SLC17A9: variants seen among roughly 807,000 people sequenced by gnomAD.
SLC17A9 encodes the protein solute carrier family 17 member 9.
Under a neutral mutation model 55.0 loss-of-function variants are expected in SLC17A9, and 49 were observed. The ratio of observed to expected loss-of-function variants is 0.89; its 90% confidence interval spans 0.71 to 1.13. The LOEUF is 1.13. Among genes scored for constraint, SLC17A9 ranks in the 50% most tolerant of loss-of-function variants. The probability of loss-of-function intolerance (pLI) is 0.00; values close to 1 mark genes in which losing one functional copy is unlikely to be tolerated. For synonymous variants in SLC17A9, 256 were observed against 247.4 expected, an observed-to-expected ratio of 1.03 and a Z score of -0.32; for missense variants, 526 against 569.3, an observed-to-expected ratio of 0.92 and a Z score of 0.77.
rs114717191 is a variant in SLC17A9 at position 62,955,708 on chromosome 20, T to C, written c.60-1057T>C. ...TGTCCCTTCTGCAAGCCTCGTGTGT[T>C]AAGTCAATGAAAACTGTTTACAGAG... On this transcript the variant is annotated intron_variant, in intron 1 of 12. Transcript: ENST00000370351. 7.6e-3 allele frequency among the ~76,000 whole-genome samples: 1,159 copies of C among 152,302 alleles called. 19 individuals are homozygous for C. Among genetic ancestry groups the C allele is most frequent in the African/African-American group, 0.027 (1,133 of 41,560 alleles).
At position 62,964,221 on chromosome 20, in the gene SLC17A9, C is replaced by G. The variant is rs200734758; in HGVS notation, c.823-7C>G. The G allele has an allele frequency of 1.8e-5, 29 of 1,613,910 alleles. No homozygotes were observed. Among genetic ancestry groups the G allele is most frequent in the East Asian group, 1.8e-4 (8 of 44,874 alleles). The stretch of plus-strand genomic sequence containing the variant: ...GGCCCCCTCTAAGGCCAAACTCCCC[C>G]CTGCAGGGCTGGATCTTCAACGTGG... On this transcript the variant is annotated splice_polypyrimidine_tract_variant and splice_region_variant and intron_variant, in intron 7 of 12. Transcript: ENST00000370351.
intron 1 of SLC17A9, among the ~76,000 whole-genome samples, chr20:62,956,388 G>A (rs1217077874): frequency 6.6e-6 from 1 of 152,134 alleles, no homozygotes; most frequent in Admixed American, 6.5e-5. Flanking sequence ...GGGAAGGGTG[G>A]GGTGAGACTC....
At chr20:62,955,271 C>A (rs1421001883) in intron 1 of SLC17A9, among the ~76,000 whole-genome samples, 2 of 151,950 alleles carry the variant, frequency 1.3e-5, no homozygotes, top group Admixed American at 6.6e-5. Context: ...CCTCAGCCTC[C>A]CAAGTAGCTG....
At chr20:62,964,707 AC>A (rs879735667) in intron 8 of SLC17A9, among the ~76,000 whole-genome samples, 6 of 152,198 alleles carry the variant, frequency 3.9e-5, no homozygotes, top group African/African-American at 7.2e-5. Flanking sequence ...CTGCACAGAC[AC>A]GTACAGGCGG....
chr20:62,963,723 C>A, intron 7 of SLC17A9, 43 bp downstream of exon 7: 1 of 1,531,746 alleles, frequency 6.5e-7, no homozygotes, highest in Non-Finnish European at 8.8e-7. Context: ...GCCCAGAAGG[C>A]ACGAGGCTTG....
At chr20:62,964,923 G>C in intron 8 of SLC17A9, 2 of 582,422 alleles carry the variant, frequency 3.4e-6, no homozygotes, top group South Asian at 4.5e-5. Context: ...CCACGCCTTG[G>C]GAACCTTCCA....
chr20:62,961,865 C>A (rs2065591931), intron 4 of SLC17A9, among the ~76,000 whole-genome samples: 1 of 152,164 alleles, frequency 6.6e-6, no homozygotes, highest in Non-Finnish European at 1.5e-5. Flanking sequence ...GAGAGTGCTA[C>A]CCCAGCCCGC....
rs1381874682 is a variant in SLC17A9, at chr20:62,960,622, C to T, written c.497+19C>T. ...AGTTTGGGTAAGTCCTGGCCTAAGA[C>T]GGGGCCCAGGAGAGGCCACCAGGTG... On this transcript the variant is annotated intron_variant, in intron 4 of 12. Transcript: ENST00000370351. 7 of 1,602,196 alleles carry T rather than the reference C, an allele frequency of 4.4e-6. No individual in the cohort carries two copies. In the Admixed American group the frequency reaches 5.1e-5, roughly 12 times the overall value.
intron 12 of SLC17A9, 82 bp downstream of exon 12, chr20:62,966,814 C>A (rs1470784792): frequency 6.5e-7 from 1 of 1,547,500 alleles, no homozygotes; most frequent in Admixed American, 2.1e-5. Flanking sequence ...TGGGGTTGTG[C>A]CTCCCTTCAG....
rs768669562 is a variant in SLC17A9 at position 62,960,526 on chromosome 20, C to T, written c.420C>T (p.Thr140=). The T allele has an allele frequency of 2.5e-6, 4 of 1,613,536 alleles. No homozygotes were observed. Among genetic ancestry groups the T allele is most frequent in the Non-Finnish European group, 2.5e-6 (3 of 1,179,964 alleles). ...LLQGVYFPAL[T]SLLSQKVRES... Reference sequence around the variant, plus strand: ...CAGGGGTTTACTTCCCTGCCCTGACCAGCCTGCTGTCGCAGAAGGTGCGGG... The same window carrying T: ...CAGGGGTTTACTTCCCTGCCCTGACTAGCCTGCTGTCGCAGAAGGTGCGGG... Residue 140 remains threonine, a synonymous_variant, in exon 4 of 13, where the codon ACC becomes ACT. Coordinates refer to ENST00000370351, the MANE Select transcript of SLC17A9 (RefSeq NM_022082.4).
At chr20:62,957,203 C>G in intron 2 of SLC17A9, 1 of 985,370 alleles carries the variant, frequency 1.0e-6, no homozygotes, top group Non-Finnish European at 1.2e-6. Context: ...AAGATGGGAG[C>G]TGGGAGGGGA....
At position 62,963,579 on chromosome 20, in the gene SLC17A9, C is replaced by T. The variant is rs190887624; in HGVS notation, c.726-5C>T. 180 of 1,587,238 alleles carry T rather than the reference C, an allele frequency of 1.1e-4. 1 individual carries two copies. The highest frequency in any genetic ancestry group is 4.4e-4 in the Admixed American group (25 of 56,348). The stretch of plus-strand genomic sequence containing the variant: ...AGAGTCACGGTCCACCATTGGGCCC[C>T]GCAGGGCAGCCGTCGTCTCCCAGCT... On this transcript the variant is annotated splice_region_variant and splice_polypyrimidine_tract_variant and intron_variant, in intron 6 of 12. Coordinates refer to ENST00000370351, the MANE Select transcript of SLC17A9 (RefSeq NM_022082.4).
At chr20:62,956,679 A>G (rs2065538886) in intron 1 of SLC17A9, 86 bp from the exon 2 acceptor site, 2 of 1,284,098 alleles carry the variant, frequency 1.6e-6, no homozygotes, top group Non-Finnish European at 2.1e-6. Flanking sequence ...CATGTCCCCC[A>G]GCCCTGAGGG....
intron 4 of SLC17A9, among the ~76,000 whole-genome samples, chr20:62,960,938 C>T (rs948451071): frequency 7.2e-5 from 11 of 152,274 alleles, no homozygotes; most frequent in African/African-American, 2.7e-4. Flanking sequence ...CCACCATCCG[C>T]TGGCCCCCAC....
chr20:62,964,045 G>A (rs1433216438), intron 7 of SLC17A9, 183 bp from the exon 8 acceptor site: 1 of 676,874 alleles, frequency 1.5e-6, no homozygotes, highest in African/African-American at 1.8e-5. Flanking sequence ...CCTTCTCTGA[G>A]GCTGTCTTGC....
At chr20:62,953,083 G>T in intron 1 of SLC17A9, 194 bp downstream of exon 1, 1 of 1,276,886 alleles carries the variant, frequency 7.8e-7, no homozygotes, top group South Asian at 1.3e-5. Flanking sequence ...TCCCTGCCAT[G>T]AGATTCCAGG....
chr20:62,953,210 G>A lies in SLC17A9; in HGVS notation c.59+321G>A, dbSNP rs373143408. The A allele has an allele frequency of 8.4e-6, 13 of 1,550,422 alleles. No individual in the cohort carries two copies. In the African/African-American group the frequency reaches 1.5e-4, roughly 18 times the overall value. On this transcript the variant is annotated intron_variant, in intron 1 of 12. Coordinates refer to ENST00000370351, the MANE Select transcript of SLC17A9 (RefSeq NM_022082.4). Reference sequence around the variant, plus strand: ...CAGTCAGGAGGCATACCCCTCGCCAGGTGGAACCACCCTGTGTATGCATGA... The same window carrying A: ...CAGTCAGGAGGCATACCCCTCGCCAAGTGGAACCACCCTGTGTATGCATGA...
At position 62,953,552 on chromosome 20, in the gene SLC17A9, C is replaced by G. The variant is rs556567256; in HGVS notation, c.59+663C>G. Among the ~76,000 whole-genome samples the G allele has an allele frequency of 2.6e-5, 4 of 152,350 alleles. No homozygotes were observed. The South Asian group carries it at 8.3e-4, about 32-fold the overall frequency. On this transcript the variant is annotated intron_variant, in intron 1 of 12. Coordinates refer to ENST00000370351, the MANE Select transcript of SLC17A9 (RefSeq NM_022082.4). ...TGCCAGGGAGCTCCTGAGAGCAGCC[C>G]CCACACTGCTGAACCCCTTGGCTCT...
Position 62,963,380 on chromosome 20 carries a change from A to G in SLC17A9, c.725+11A>G, listed in dbSNP as rs1164334254. On this transcript the variant is annotated intron_variant, in intron 6 of 12. Transcript: ENST00000370351. ...GAAGCCTGCTGTCTGGTGAGCTGGG[A>G]CCTGTGCCACCCCTTGGAGCAGCGG... 1.2e-6 allele frequency: 2 copies of G among 1,612,162 alleles called. No homozygotes were observed. The highest frequency in any genetic ancestry group is 2.2e-5 in the South Asian group (2 of 90,884).
Sources: gnomAD v4.1 joint callset for allele counts (sites outside exome capture counted in the v4.1 genomes callset) on GRCh38, gnomAD v4.1.1 for gene constraint, MANE v1.5 for transcripts, NCBI Gene and HGNC (gene_info 2026-07-23, HGNC 2026-07-21) for gene names.